CDC42BPG: variants seen among roughly 807,000 people sequenced by gnomAD.
CDC42BPG encodes CDC42 binding protein kinase gamma.
In CDC42BPG, 157 loss-of-function variants were observed where a neutral mutation model predicts 192.2. The ratio of observed to expected loss-of-function variants is 0.82; its 90% CI spans 0.72 to 0.93. The LOEUF (loss-of-function observed/expected upper bound fraction) is 0.93. Ranked by LOEUF, CDC42BPG falls within the 40% of genes least tolerant of loss-of-function variation. The probability of loss-of-function intolerance (pLI) is 0.00; values close to 1 mark genes in which losing one functional copy is unlikely to be tolerated. For synonymous variants in CDC42BPG, 981 were observed against 918.5 expected (o/e 1.07, Z -1.23); for missense variants, 1,992 against 2,122.1 (o/e 0.94, Z 1.20).
chr11:64,834,882 G>C lies in CDC42BPG; in HGVS notation c.2142C>G (p.Asn714Lys), dbSNP rs754794919. Reference protein sequence around the residue: ...KMAEELESLRNVGTQTLPARP... With the variant: ...KMAEELESLRKVGTQTLPARP... ...GGGCAGGGAGCGTCTGGGTGCCTAC[G>C]TTCCTCAAGGACTCCAGCTCCTCTG... Residue 714 changes from asparagine (N) to lysine (K), a missense_variant, in exon 18 of 37, where the codon AAC becomes AAG. By Grantham distance (94) the Asn-to-Lys change is moderately conservative. Transcript: ENST00000342711. The C allele has an allele frequency of 6.2e-7, 1 of 1,613,978 alleles. No individual in the cohort carries two copies. Among genetic ancestry groups the C allele is most frequent in the South Asian group, 1.1e-5 (1 of 91,070 alleles).
Position 64,833,606 on chromosome 11 carries a change from AG to A in CDC42BPG, c.2618del (p.Pro873LeufsTer26), listed in dbSNP as rs1244063710. 6.2e-7 allele frequency: 1 copy of A among 1,610,138 alleles called. No individual in the cohort carries two copies. Among genetic ancestry groups the A allele is most frequent in the Non-Finnish European group, 8.5e-7 (1 of 1,178,596 alleles). The part of the protein sequence containing the change: ...TANTASTEGL[P>X]AKPGSHTLRP... ...TGCCCCTCTGGGCACTGACCTTAGC[AG>A]GAAGACCTTCTGTAGAGGCTGTGTT... is the stretch of plus-strand genomic sequence containing the variant. On this transcript the variant is annotated frameshift_variant, in exon 23 of 37. Transcript: ENST00000342711. LOFTEE classifies it high-confidence loss of function.
rs1307766098 is a variant in CDC42BPG at position 64,827,136 on chromosome 11, T to C, written c.4303A>G (p.Lys1435Glu). The change falls in exon 34 of 37, where the codon AAG becomes GAG. Residue 1435 changes from lysine (K) to glutamate (E), a missense_variant. Physicochemically the swap from Lys to Glu is moderately conservative, Grantham distance 56. Around this residue, in one of 2 missense-constraint regions of CDC42BPG, gnomAD observed 336 missense variants for 277.9 expected, o/e 1.21. Transcript: ENST00000342711. The stretch of plus-strand genomic sequence containing the variant: ...AAGTTGGTAGGCGGCGAGATGAGCT[T>C]GGAGCGCACAAAAGGGTCCTTCAGC... Reference protein sequence around the residue: ...EMLKDPFVRSKLISPPTNFNH... With the variant: ...EMLKDPFVRSELISPPTNFNH... The C allele has an allele frequency of 1.9e-6, 3 of 1,613,988 alleles. No homozygotes were observed. Among genetic ancestry groups the C allele is most frequent in the Non-Finnish European group, 1.7e-6 (2 of 1,179,998 alleles).
chr11:64,827,798 G>A lies in CDC42BPG; in HGVS notation c.3968-15C>T, dbSNP rs1336832184. 1 of 1,589,816 alleles carries A rather than the reference G, an allele frequency of 6.3e-7. No homozygotes were observed. Among genetic ancestry groups the A allele is most frequent in the East Asian group, 2.2e-5 (1 of 44,690 alleles). ...GGCCGCATACCCTGCGGGCACGCCA[G>A]GCACCTCTGAGCTGTTTCCCCCTCT... On this transcript the variant is annotated splice_polypyrimidine_tract_variant and intron_variant, in intron 30 of 36. Coordinates refer to ENST00000342711, the MANE Select transcript of CDC42BPG (RefSeq NM_017525.3).
chr11:64,824,437 C>T lies in CDC42BPG; in HGVS notation c.*36G>A, dbSNP rs370984327. On this transcript the variant is annotated 3_prime_UTR_variant, in exon 37 of 37. Coordinates refer to ENST00000342711, the MANE Select transcript of CDC42BPG (RefSeq NM_017525.3). Reference sequence around the variant, plus strand: ...AAGCTCTTTGCTCCCTCATGTCCTTCTGCCCTGGGATTGGGGTGGGCCCTA... The same window carrying T: ...AAGCTCTTTGCTCCCTCATGTCCTTTTGCCCTGGGATTGGGGTGGGCCCTA... The T allele has an allele frequency of 4.2e-4, 582 of 1,379,920 alleles. 8 individuals carry two copies. The South Asian group carries it at 5.5e-3, about 13-fold the overall frequency. The allele number at this position is 1,379,920 out of a possible 1,614,324, so 85.5% of individuals were successfully genotyped here.
rs1942932384 is a variant in CDC42BPG, at chr11:64,835,371, C to T, written c.1929G>A (p.Arg643=). 3 of 1,613,870 alleles carry T rather than the reference C, an allele frequency of 1.9e-6. No individual in the cohort carries two copies. The South Asian group carries it at 3.3e-5, about 18-fold the overall frequency. The change falls in exon 16 of 37, where the codon CGG becomes CGA. Residue 643 remains arginine, a synonymous_variant. Transcript: ENST00000342711. ...EALCQLQEEN[R]RLSREQERLE... is the part of the protein sequence containing the mutation. The stretch of plus-strand genomic sequence containing the variant: ...CCCGCTCCTGCTCCCGGCTCAGCCT[C>T]CGGTTTTCCTCCTGCAGCTGGCACA...
In CDC42BPG at chr11:64,832,860, G is replaced by GT. The variant is rs1275267811; in HGVS notation, c.2830dup (p.Thr944AsnfsTer8). ...GCCCTCATAGGCAGTGCCTGTGCCT[G>GT]TTTCGGGGTGTACTCCCAGGGCTGT... On this transcript the variant is annotated frameshift_variant, in exon 25 of 37. Coordinates refer to ENST00000342711, the MANE Select transcript of CDC42BPG (RefSeq NM_017525.3). LOFTEE classifies it high-confidence loss of function. 3 of 1,570,174 alleles carry GT rather than the reference G, an allele frequency of 1.9e-6. No individual in the cohort carries two copies. The highest frequency in any genetic ancestry group is 1.9e-5 in the Admixed American group (1 of 53,740).
Position 64,827,556 on chromosome 11 carries a change from CGGACCTTCTCGGTGCCGTAGA to C in CDC42BPG, c.4100_4120del (p.Leu1367_Val1373del). 1 of 1,612,626 alleles carries C rather than the reference CGGACCTTCTCGGTGCCGTAGA, an allele frequency of 6.2e-7. No homozygotes were observed. Among genetic ancestry groups the C allele is most frequent in the Non-Finnish European group, 8.5e-7 (1 of 1,179,136 alleles). On this transcript the variant is annotated inframe_deletion, in exon 32 of 37. Transcript: ENST00000342711. ...CAGCTGGTTCCTGAGGTAGGTCAGG[CGGACCTTCTCGGTGCCGTAGA>C]GGAACAGGGAGCCCTCTGGATTGAG...
At position 64,829,819 on chromosome 11, in the gene CDC42BPG, G is replaced by A. The variant is rs984580548; in HGVS notation, c.3619C>T (p.Gln1207Ter). The change falls in exon 30 of 37, where the codon CAG becomes TAG. Residue 1207 changes from glutamine to a stop codon, truncating the protein, a stop_gained. Transcript: ENST00000342711. LOFTEE classifies it high-confidence loss of function. ...CAGGGCCCAGGGCCCGGGCCCAGCTGGTAGCAGAGCACCTGGCGCTTGACG... is the reference window on the plus strand; with the variant it reads ...CAGGGCCCAGGGCCCGGGCCCAGCTAGTAGCAGAGCACCTGGCGCTTGACG... ...VAVKRQVLCY[Q>*]LGPGPGPWQR... is the part of the protein sequence containing the mutation. The A allele has an allele frequency of 6.2e-7, 1 of 1,605,212 alleles. No homozygotes were observed. The highest frequency in any genetic ancestry group is 1.1e-5 in the South Asian group (1 of 90,414).
chr11:64,824,702 C>A (rs1020786237), intron 36 of CDC42BPG, among the ~76,000 whole-genome samples, 173 bp from the exon 37 acceptor site: 2 of 152,140 alleles, frequency 1.3e-5, no homozygotes, highest in African/African-American at 4.8e-5. Flanking sequence ...ACTGGAAGAA[C>A]CTGGAGAGCT....
chr11:64,830,108 G>A, intron 29 of CDC42BPG, 38 bp from the exon 30 acceptor site: 1 of 1,611,880 alleles, frequency 6.2e-7, no homozygotes, highest in South Asian at 1.1e-5. Flanking sequence ...ACTGGCAGGT[G>A]GTTGAAGAGT....
At chr11:64,833,044 T>C in intron 24 of CDC42BPG, 85 bp from the exon 25 acceptor site, 1 of 1,451,114 alleles carries the variant, frequency 6.9e-7, no homozygotes. Context: ...CAGAGCCAGC[T>C]TCCCTGAAGC....
Position 64,838,564 on chromosome 11 carries a change from A to G in CDC42BPG, c.1125+90T>C, listed in dbSNP as rs1353643579. The G allele has an allele frequency of 5.2e-6, 8 of 1,531,660 alleles. No individual in the cohort carries two copies. In the East Asian group the frequency reaches 1.8e-4, roughly 35 times the overall value. The allele number at this position is 1,531,660 out of a possible 1,614,324, so 94.9% of individuals were successfully genotyped here. On this transcript the variant is annotated intron_variant, in intron 8 of 36. Coordinates refer to ENST00000342711, the MANE Select transcript of CDC42BPG (RefSeq NM_017525.3). ...CCCGGTGTCTGAAGGCCTCACCCCC[A>G]GCCCACCCCAGGGGACTTCAGAGGG...
At position 64,833,959 on chromosome 11, in the gene CDC42BPG, G is replaced by A. The variant is rs1256745926; in HGVS notation, c.2432C>T (p.Ser811Phe). The A allele has an allele frequency of 6.2e-7, 1 of 1,614,226 alleles. No individual in the cohort carries two copies. The highest frequency in any genetic ancestry group is 8.5e-7 in the Non-Finnish European group (1 of 1,180,034). ...RGPVDTKPSNSLIPFLSFRSS... is the reference protein window; with the variant it reads ...RGPVDTKPSNFLIPFLSFRSS... Reference sequence around the variant, plus strand: ...CCGGAAGGACAGGAAGGGAATCAGGGAGTTTGAGGGCTTGGTGTCTGCAAA... The same window carrying A: ...CCGGAAGGACAGGAAGGGAATCAGGAAGTTTGAGGGCTTGGTGTCTGCAAA... Residue 811 changes from serine (S) to phenylalanine (F), a missense_variant, in exon 21 of 37, where the codon TCC becomes TTC. This residue lies in a region of CDC42BPG where 1,656 missense variants were observed against 1,844.3 expected (regional missense o/e 0.90). Coordinates refer to ENST00000342711, the MANE Select transcript of CDC42BPG (RefSeq NM_017525.3).
In CDC42BPG at chr11:64,827,889, T is replaced by C; in HGVS notation, c.3968-106A>G. The C allele has an allele frequency of 1.8e-5, 17 of 956,296 alleles. No individual in the cohort carries two copies. In the South Asian group the frequency reaches 2.8e-4, roughly 16 times the overall value. 59.2% of individuals were successfully genotyped at this position (956,296 alleles called of 1,614,324 possible). A position where few individuals can be genotyped will look rare whatever the true frequency, so the allele number is the denominator to read the frequency against. ...ACTACCATGCCCCACGCTAAGGTCC[T>C]TCCTCTGAAGACTCCCTGTCGCCCG... is the stretch of plus-strand genomic sequence containing the variant. On this transcript the variant is annotated intron_variant, in intron 30 of 36. Transcript: ENST00000342711.
chr11:64,841,907 G>A lies in CDC42BPG; in HGVS notation c.161-3C>T, dbSNP rs1396704811. 3 of 1,597,292 alleles carry A rather than the reference G, an allele frequency of 1.9e-6. No individual in the cohort carries two copies. The highest frequency in any genetic ancestry group is 1.7e-6 in the Non-Finnish European group (2 of 1,171,572). On this transcript the variant is annotated splice_region_variant and splice_polypyrimidine_tract_variant and intron_variant, in intron 1 of 36. Coordinates refer to ENST00000342711, the MANE Select transcript of CDC42BPG (RefSeq NM_017525.3). ...CACCTTTGATACGAAGGGGCTGGCT[G>A]AGGGGACACAGGGCGGGACTCAGAG...
rs1370900730 is a variant in CDC42BPG at position 64,823,156 on chromosome 11, G to C, written c.*1317C>G. ...GGCTGGAGTGCAGTGGCGCGATCTC[G>C]GCTCACTGCAAGCTCCGCCTCCCGG... On this transcript the variant is annotated 3_prime_UTR_variant, in exon 37 of 37. Coordinates refer to ENST00000342711, the MANE Select transcript of CDC42BPG (RefSeq NM_017525.3). Among the ~76,000 whole-genome samples, 2 of 149,174 alleles carry C rather than the reference G, an allele frequency of 1.3e-5. No individual in the cohort carries two copies. Among genetic ancestry groups the C allele is most frequent in the Middle Eastern group, 3.5e-3 (1 of 284 alleles).
At chr11:64,831,236 A>AG (rs149654068) in intron 28 of CDC42BPG, among the ~76,000 whole-genome samples, 1,687 of 150,966 alleles carry the variant, frequency 0.011, 33 homozygotes, top group African/African-American at 0.039. Flanking sequence ...AAAAAGAAAA[A>AG]AAAAAAGCCT....
Position 64,841,864 on chromosome 11 carries a change from C to T in CDC42BPG, c.201G>A (p.Gln67=). The T allele has an allele frequency of 3.1e-6, 5 of 1,613,908 alleles. No homozygotes were observed. The highest frequency in any genetic ancestry group is 3.4e-6 in the Non-Finnish European group (4 of 1,179,952). ...CCTTCAAGATCTCAAAGTCATCTCTCTGCAGACGCAGTTCTTTCACCTTTG... is the reference window on the plus strand; with the variant it reads ...CCTTCAAGATCTCAAAGTCATCTCTTTGCAGACGCAGTTCTTTCACCTTTG... ...FVSKVKELRL[Q]RDDFEILKVI... is the part of the protein sequence containing the mutation. The change falls in exon 2 of 37, where the codon CAG becomes CAA. Residue 67 remains glutamine (Q), a synonymous_variant. Coordinates refer to ENST00000342711, the MANE Select transcript of CDC42BPG (RefSeq NM_017525.3).
rs1268479847 is a variant in CDC42BPG, at chr11:64,833,843, G to C, written c.2467-7C>G. ...GGTCCTTGGCAGAATCCTTCTGGGG[G>C]TGGGAGAGAGAGGAGCAAAGTCAAG... On this transcript the variant is annotated splice_polypyrimidine_tract_variant and splice_region_variant and intron_variant, in intron 21 of 36. Coordinates refer to ENST00000342711, the MANE Select transcript of CDC42BPG (RefSeq NM_017525.3). 1 of 1,614,242 alleles carries C rather than the reference G, an allele frequency of 6.2e-7. No homozygotes were observed. Among genetic ancestry groups the C allele is most frequent in the Non-Finnish European group, 8.5e-7 (1 of 1,180,026 alleles).
Sources: gnomAD v4.1 joint callset for allele counts (sites outside exome capture counted in the v4.1 genomes callset) on GRCh38, gnomAD v4.1.1 for gene constraint, gnomAD v4.1.1 regional missense constraint, MANE v1.5 for transcripts, NCBI Gene and HGNC (gene_info 2026-07-23, HGNC 2026-07-21) for gene names.